MTUS1: variants seen among roughly 807,000 people sequenced by gnomAD.
The protein encoded by MTUS1 is microtubule associated scaffold protein 1.
A neutral mutation model predicts 120.8 loss-of-function variants in MTUS1; 109 were observed. The ratio of observed to expected loss-of-function variants is 0.90; its 90% CI spans 0.77 to 1.06. The LOEUF is 1.06. Ranked by LOEUF, MTUS1 falls within the 50% of genes least tolerant of loss-of-function variation. The pLI is 0.00. For synonymous variants in MTUS1, 737 were observed against 550.5 expected, an observed-to-expected ratio of 1.34 and a Z score of -4.74; for missense variants, 2,210 against 1,486.3, an observed-to-expected ratio of 1.49 and a Z score of -8.01.
chr8:17,728,987 C>T (rs2046391751), intron 3 of MTUS1, among the ~76,000 whole-genome samples: 1 of 152,140 alleles, frequency 6.6e-6, no homozygotes. Flanking sequence ...ATCAGTATGG[C>T]ACACAAGTGG....
intron 10 of MTUS1, chr8:17,654,317 C>G: frequency 1.9e-6 from 1 of 520,794 alleles, no homozygotes; most frequent in Non-Finnish European, 3.4e-6. Context: ...CCAAAATGGC[C>G]TTTACAGTCT....
intron 1 of MTUS1, among the ~76,000 whole-genome samples, chr8:17,763,486 T>C (rs754958415): frequency 6.6e-6 from 1 of 152,200 alleles, no homozygotes; most frequent in Non-Finnish European, 1.5e-5. Context: ...TCCTGGCTTT[T>C]GACTCACTCC....
At chr8:17,680,997 G>C (rs1421049355) in intron 7 of MTUS1, among the ~76,000 whole-genome samples, 1 of 151,738 alleles carries the variant, frequency 6.6e-6, no homozygotes, top group African/African-American at 2.4e-5. Context: ...GTAGTGGTGC[G>C]ATCTTGGCTC....
chr8:17,738,974 T>C (rs1244088882), intron 3 of MTUS1, among the ~76,000 whole-genome samples: 1 of 150,988 alleles, frequency 6.6e-6, no homozygotes, highest in Admixed American at 6.6e-5. Context: ...CCCCCCCATC[T>C]CTACAAAAAT....
At chr8:17,672,953 G>C (rs17125073) in intron 8 of MTUS1, among the ~76,000 whole-genome samples, 6,255 of 152,270 alleles carry the variant, frequency 0.041, 431 homozygotes, top group African/African-American at 0.14. Context: ...ATCCTTCATT[G>C]AAGCAGAGCG....
chr8:17,697,256 C>A, intron 6 of MTUS1: 1 of 1,613,426 alleles, frequency 6.2e-7, no homozygotes, highest in Non-Finnish European at 8.5e-7. Flanking sequence ...GCGAGACAGA[C>A]CTGTGTGGAA....
chr8:17,753,379 T>C (rs2048338700), intron 2 of MTUS1, among the ~76,000 whole-genome samples: 1 of 152,222 alleles, frequency 6.6e-6, no homozygotes, highest in Non-Finnish European at 1.5e-5. Flanking sequence ...AACCCAACTT[T>C]TTCAGAAAAA....
chr8:17,737,460 A>T (rs577186416), intron 3 of MTUS1, among the ~76,000 whole-genome samples: 101 of 152,348 alleles, frequency 6.6e-4, no homozygotes, highest in African/African-American at 2.4e-3. Flanking sequence ...AAAAATATAG[A>T]AACATCTATT....
chr8:17,801,169 G>T (rs2052654195), upstream of MTUS1, among the ~76,000 whole-genome samples: 2 of 151,892 alleles, frequency 1.3e-5, no homozygotes, highest in South Asian at 2.1e-4. Flanking sequence ...GGTCTCGGGG[G>T]CGGCGTCTGC....
At chr8:17,653,607 G>T (rs905732311) in intron 10 of MTUS1, 109 bp from the exon 11 acceptor site, 1 of 757,732 alleles carries the variant, frequency 1.3e-6, no homozygotes, top group Non-Finnish European at 2.1e-6. Context: ...GCCGTATGAC[G>T]TTACTTTACA....
intron 3 of MTUS1, among the ~76,000 whole-genome samples, chr8:17,735,279 T>C (rs1354682245): frequency 1.3e-5 from 2 of 152,186 alleles, no homozygotes; most frequent in South Asian, 2.1e-4. Flanking sequence ...TTTCACTTCA[T>C]GGCCCACCAC....
At chr8:17,699,277 G>A (rs1458099400) in intron 6 of MTUS1, among the ~76,000 whole-genome samples, 1 of 152,094 alleles carries the variant, frequency 6.6e-6, no homozygotes, top group Non-Finnish European at 1.5e-5. Flanking sequence ...GAGTGTAATG[G>A]CGCAGTCTCT....
intron 2 of MTUS1, among the ~76,000 whole-genome samples, chr8:17,747,574 C>T (rs1356270069): frequency 6.6e-6 from 1 of 152,150 alleles, no homozygotes; most frequent in Non-Finnish European, 1.5e-5. Flanking sequence ...ACTTCTAAAC[C>T]TGTTTGCCCA....
chr8:17,725,198 T>C (rs747909691), intron 3 of MTUS1, among the ~76,000 whole-genome samples: 1 of 152,178 alleles, frequency 6.6e-6, no homozygotes, highest in Non-Finnish European at 1.5e-5. Flanking sequence ...AAAAAGACCT[T>C]TGATGAAAAT....
At chr8:17,697,683 AGTT>A (rs1818257056) in intron 6 of MTUS1, 5 of 1,034,672 alleles carry the variant, frequency 4.8e-6, no homozygotes, top group South Asian at 4.4e-5. Context: ...ATGCTTGTGG[AGTT>A]GTTATGGTTT....
rs1563546756 is a variant in MTUS1, at chr8:17,645,719, T to C, written c.*207A>G. On this transcript the variant is annotated 3_prime_UTR_variant, in exon 15 of 15. Coordinates refer to ENST00000693296, the MANE Select transcript of MTUS1 (RefSeq NM_001363059.2). ...CCGAAATCTTTTTTTAAATCTTTTTTTGGAGGAATCTTTTGGACGGAGGCA... is the reference window on the plus strand; with the variant it reads ...CCGAAATCTTTTTTTAAATCTTTTTCTGGAGGAATCTTTTGGACGGAGGCA... 1 of 563,904 alleles carries C rather than the reference T, an allele frequency of 1.8e-6. No individual in the cohort carries two copies. Among genetic ancestry groups the C allele is most frequent in the Non-Finnish European group, 2.9e-6 (1 of 349,920 alleles). The allele number at this position is 563,904 out of a possible 1,614,324, so 34.9% of individuals were successfully genotyped here. A position where few individuals can be genotyped will look rare whatever the true frequency, so the allele number is the denominator to read the frequency against.
chr8:17,666,667 A>G (rs1441032668), intron 8 of MTUS1, among the ~76,000 whole-genome samples: 1 of 152,162 alleles, frequency 6.6e-6, no homozygotes, highest in Non-Finnish European at 1.5e-5. Flanking sequence ...CTGTACTCAG[A>G]TATTGCTAAT....
At chr8:17,781,523 T>C (rs2050874171) in intron 1 of MTUS1, among the ~76,000 whole-genome samples, 1 of 152,098 alleles carries the variant, frequency 6.6e-6, no homozygotes, top group Non-Finnish European at 1.5e-5. Flanking sequence ...AACACAAGAG[T>C]TTCTTACAAA....
chr8:17,754,647 T>G lies in MTUS1; in HGVS notation c.1161A>C (p.Gly387=). The G allele has an allele frequency of 6.2e-7, 1 of 1,614,250 alleles. No individual in the cohort carries two copies. The highest frequency in any genetic ancestry group is 8.5e-7 in the Non-Finnish European group (1 of 1,180,046). The change falls in exon 2 of 15, where the codon GGA becomes GGC. Residue 387 remains glycine, a synonymous_variant. Coordinates refer to ENST00000693296, the MANE Select transcript of MTUS1 (RefSeq NM_001363059.2). ...TQMVSKGKDL[G]TQNHTSELIL... is the part of the protein sequence containing the mutation. ...TCAATTCTGAGGTATGATTTTGGGT[T>G]CCCAAATCCTTTCCTTTGGAGACCA... is the stretch of plus-strand genomic sequence containing the variant.
Sources: gnomAD v4.1 joint callset for allele counts (sites outside exome capture counted in the v4.1 genomes callset) on GRCh38, gnomAD v4.1.1 for gene constraint, MANE v1.5 for transcripts, NCBI Gene and HGNC (gene_info 2026-07-23, HGNC 2026-07-21) for gene names.